Variants in NEB observed in about 807,000 individuals in gnomAD.
NEB encodes nemaline myopathy type 2.
In NEB, 512 loss-of-function variants were observed where a neutral mutation model predicts 952.2. The ratio of observed to expected loss-of-function variants is 0.54; its 90% CI spans 0.50 to 0.58. The LOEUF (loss-of-function observed/expected upper bound fraction) is 0.58, where lower values mean the gene tolerates loss of function less well. NEB is among the 20% of genes least tolerant of loss of function. The pLI is 0.00. For missense variants in NEB, 8,428 were observed against 9,231.1 expected (o/e 0.91, Z 3.56); for synonymous variants, 2,900 against 3,149.8 (o/e 0.92, Z 2.66).
At chr2:151,636,105 T>C (rs1396983007) in intron 64 of NEB, 122 bp downstream of exon 64, 19 of 869,668 alleles carry the variant, frequency 2.2e-5, no homozygotes, top group Middle Eastern at 2.2e-4. Context: ...TTTTGAAAAA[T>C]CCTACACAAA....
chr2:151,691,882 C>T lies in NEB; in HGVS notation c.2193G>A (p.Lys731=), dbSNP rs1576507265. The T allele has an allele frequency of 6.3e-7, 1 of 1,598,534 alleles. No individual in the cohort carries two copies. The highest frequency in any genetic ancestry group is 8.5e-7 in the Non-Finnish European group (1 of 1,170,820). ...AACTTACATCTTTACACTGGTCCAG[C>T]TTCTTGATTGCTTCATATTCTTGTG... ...TITQEYEAIK[K]LDQCKDHTYK... The change falls in exon 23 of 182, where the codon AAG becomes AAA. Residue 731 remains lysine, a synonymous_variant. Coordinates refer to ENST00000397345, the MANE Select transcript of NEB (RefSeq NM_001164508.2).
chr2:151,696,575 G>C, intron 17 of NEB, 62 bp downstream of exon 17: 3 of 1,259,320 alleles, frequency 2.4e-6, no homozygotes, highest in Non-Finnish European at 3.5e-6. Flanking sequence ...TGGATTTTAT[G>C]TATAGAGTTA....
chr2:151,674,373 C>T, intron 36 of NEB, 104 bp downstream of exon 36: 3 of 916,962 alleles, frequency 3.3e-6, no homozygotes, highest in Non-Finnish European at 5.2e-6. Flanking sequence ...ATTTAAATGC[C>T]ATTAATTTAA....
intron 134 of NEB, 51 bp downstream of exon 134, chr2:151,546,294 G>A (rs558577048): frequency 1.4e-6 from 2 of 1,416,076 alleles, no homozygotes; most frequent in South Asian, 2.5e-5. Context: ...TGGTGATGGG[G>A]GCATCCAGCT....
At chr2:151,645,221 T>G (rs1044193611) in intron 55 of NEB, among the ~76,000 whole-genome samples, 7 of 152,202 alleles carry the variant, frequency 4.6e-5, no homozygotes, top group African/African-American at 1.7e-4. Flanking sequence ...TCAATTCACA[T>G]GGACTGTTTC....
chr2:151,514,474 T>C (rs753752389), intron 158 of NEB, 46 bp from the exon 159 acceptor site: 2 of 1,390,468 alleles, frequency 1.4e-6, no homozygotes, highest in Non-Finnish European at 2.0e-6. Context: ...AAAGCCCAGA[T>C]TGATTCTCTC....
intron 65 of NEB, among the ~76,000 whole-genome samples, chr2:151,632,677 G>GA (rs761404681): frequency 0.019 from 937 of 50,590 alleles, 13 homozygotes; most frequent in East Asian, 0.13. Context: ...CTCTGTCTCA[G>GA]AAAAAAAAAA....
At chr2:151,642,546 A>G in intron 60 of NEB, 28 bp downstream of exon 60, 2 of 1,574,292 alleles carry the variant, frequency 1.3e-6, no homozygotes, top group Non-Finnish European at 1.7e-6. Context: ...GCCAAAGCTA[A>G]GGCAAATAAC....
At position 151,497,663 on chromosome 2, in the gene NEB, A is replaced by ATC; in HGVS notation, c.24261_24262dup (p.Met8088ArgfsTer58). ...TTCTTGATTGTGTTTGACTCTTTCC[A>ATC]TCTCGGGAGTGACAGGTAAAGGGGT... On this transcript the variant is annotated frameshift_variant, in exon 171 of 182. Transcript: ENST00000397345. LOFTEE classifies it high-confidence loss of function. 1 of 1,585,424 alleles carries ATC rather than the reference A, an allele frequency of 6.3e-7. No homozygotes were observed. Among genetic ancestry groups the ATC allele is most frequent in the Non-Finnish European group, 8.6e-7 (1 of 1,163,468 alleles).
Position 151,568,250 on chromosome 2 carries a change from A to G in NEB, c.17736+66T>C. 3 of 1,591,154 alleles carry G rather than the reference A, an allele frequency of 1.9e-6. No individual in the cohort carries two copies. In the South Asian group the frequency reaches 3.3e-5, roughly 18 times the overall value. ...GGAGGGGTAAGTTGTGTGCATAATT[A>G]TCCTACAGTTCCATTAAGGCCCTCC... On this transcript the variant is annotated intron_variant, in intron 112 of 181. Coordinates refer to ENST00000397345, the MANE Select transcript of NEB (RefSeq NM_001164508.2).
chr2:151,691,342 T>C (rs535571812), intron 23 of NEB, among the ~76,000 whole-genome samples: 1 of 152,324 alleles, frequency 6.6e-6, no homozygotes, highest in African/African-American at 2.4e-5. Context: ...CCACCCAACC[T>C]AAGACGCCCA....
chr2:151,673,977 A>G (rs1044428294), intron 36 of NEB, among the ~76,000 whole-genome samples: 9 of 151,996 alleles, frequency 5.9e-5, no homozygotes, highest in Non-Finnish European at 1.5e-5. Flanking sequence ...TTTTTCAAAG[A>G]TGGAAAGGAG....
rs370099071 is a variant in NEB at position 151,547,436 on chromosome 2, G to A, written c.20360C>T (p.Thr6787Ile). 7 of 1,596,304 alleles carry A rather than the reference G, an allele frequency of 4.4e-6. No individual in the cohort carries two copies. In the Admixed American group the frequency reaches 5.2e-5, roughly 12 times the overall value. Residue 6787 changes from threonine to isoleucine, a missense_variant, in exon 133 of 182, where the codon ACC (threonine) becomes ATC (isoleucine). Transcript: ENST00000397345. ...CCCCTACGAGATGCTTACATCACTG[G>A]TGATGTCTCCCACATAGCGGCAATG... ...VIHCRYVGDI[T>I]SDIKYKEDLQ...
In NEB at chr2:151,633,705, A is replaced by G. The variant is rs6709886; in HGVS notation, c.9363T>C (p.Pro3121=). 1,032,149 of 1,613,716 alleles carry G rather than the reference A, an allele frequency of 0.64. 333,017 individuals carry two copies. Among genetic ancestry groups the G allele is most frequent in the East Asian group, 0.82 (36,769 of 44,866 alleles). The change falls in exon 65 of 182, where the codon CCT becomes CCC. Residue 3121 remains proline (P), a synonymous_variant. Transcript: ENST00000397345. The part of the protein sequence containing the change: ...KNYLHEWTCL[P]DQSDVIHARQ... ...GAGCATGGATGACATCGCTCTGGTC[A>G]GGCAGGCATGTCCACTCGTGCAGGT... is the stretch of plus-strand genomic sequence containing the variant.
At chr2:151,644,271 A>G in intron 56 of NEB, 142 bp from the exon 57 acceptor site, 1 of 1,294,380 alleles carries the variant, frequency 7.7e-7, no homozygotes, top group Non-Finnish European at 1.1e-6. Context: ...AGAAAGATTA[A>G]AGGCTAAATT....
rs565937163 is a variant in NEB at position 151,679,608 on chromosome 2, G to A, written c.3255+113C>T. ...TTATTTCCTAAATAGTTTTCAATCA[G>A]ATTTGCTTCCAATTGGGGACTGCAT... On this transcript the variant is annotated intron_variant, in intron 32 of 181. Coordinates refer to ENST00000397345, the MANE Select transcript of NEB (RefSeq NM_001164508.2). The A allele has an allele frequency of 7.8e-5, 53 of 676,282 alleles. No individual in the cohort carries two copies. The African/African-American group carries it at 8.1e-4, about 10-fold the overall frequency. 41.9% of individuals were successfully genotyped at this position (676,282 alleles called of 1,614,324 possible).
At chr2:151,610,275 T>C (rs1282800592) in intron 80 of NEB, among the ~76,000 whole-genome samples, 155 bp from the exon 81 acceptor site, 1 of 152,248 alleles carries the variant, frequency 6.6e-6, no homozygotes, top group Non-Finnish European at 1.5e-5. Context: ...TATACTGTTT[T>C]AAAAATAATT....
rs1037388276 is a variant in NEB at position 151,498,261 on chromosome 2, G to A, written c.24206C>T (p.Ser8069Leu). ...TTTTCCCCTTTCTTTCCAAAATACC[G>A]AGCTAAGGTTTTCTTGATTGTGTTT... ...RVKHNQENLSSVLYKENMGKG... is the reference protein window; with the variant it reads ...RVKHNQENLSLVLYKENMGKG... Residue 8069 changes from serine to leucine, a missense_variant and splice_region_variant, in exon 170 of 182, where the codon TCG (serine) becomes TTG (leucine). Ser to Leu is a moderately radical substitution (Grantham distance 145, BLOSUM62 -2). Coordinates refer to ENST00000397345, the MANE Select transcript of NEB (RefSeq NM_001164508.2). The A allele has an allele frequency of 8.4e-6, 13 of 1,551,042 alleles. No homozygotes were observed. The highest frequency in any genetic ancestry group is 5.5e-5 in the African/African-American group (4 of 72,982).
At chr2:151,540,237 G>T in intron 138 of NEB, 107 bp downstream of exon 138, 5 of 597,446 alleles carry the variant, frequency 8.4e-6, no homozygotes, top group Non-Finnish European at 1.1e-5. Flanking sequence ...TTTTTTCCTA[G>T]GCCATGGTTT....
Sources: allele counts gnomAD v4.1 joint callset (sites outside exome capture counted in the v4.1 genomes callset), GRCh38; gene constraint gnomAD v4.1.1; transcripts MANE v1.5; gene names NCBI Gene and HGNC (gene_info 2026-07-23, HGNC 2026-07-21).